Variants in ANKS1B observed in about 807,000 individuals in gnomAD.
ANKS1B encodes the protein ankyrin repeat and sterile alpha motif domain containing 1B, also known as ankyrin repeat and sterile alpha motif domain-containing protein 1B.
Under a neutral mutation model 148.3 loss-of-function variants are expected in ANKS1B, and 36 were observed. The observed-to-expected ratio is 0.24, with a 90% confidence interval of 0.19 to 0.32. The LOEUF is 0.32. Among genes scored for constraint, ANKS1B ranks in the 10% least tolerant of loss-of-function variants. ANKS1B has a pLI of 1.00. For missense variants in ANKS1B, 1,157 were observed against 1,542.6 expected, an observed-to-expected ratio of 0.75 and a Z score of 4.19; for synonymous variants, 542 against 560.8, an observed-to-expected ratio of 0.97 and a Z score of 0.47.
chr12:99,232,574 C>T (rs1444946043), intron 14 of ANKS1B, among the ~76,000 whole-genome samples: 1 of 152,190 alleles, frequency 6.6e-6, no homozygotes, highest in African/African-American at 2.4e-5. Flanking sequence ...GATCCTCCAT[C>T]CCATCAAGAA....
chr12:99,984,388 G>T lies in ANKS1B; in HGVS notation c.-151C>A. On this transcript the variant is annotated 5_prime_UTR_variant, in exon 1 of 27. Transcript: ENST00000683438. ...GAGAGCTCCCTGCAGCCCCAGGCAGGGAGCACGACTCTCTCCTCCTCTTCG... is the reference window on the plus strand; with the variant it reads ...GAGAGCTCCCTGCAGCCCCAGGCAGTGAGCACGACTCTCTCCTCCTCTTCG... The T allele has an allele frequency of 1.8e-6, 1 of 560,022 alleles. No individual in the cohort carries two copies. The highest frequency in any genetic ancestry group is 3.0e-6 in the Non-Finnish European group (1 of 329,848). 34.7% of individuals were successfully genotyped at this position (560,022 alleles called of 1,614,324 possible).
intron 10 of ANKS1B, among the ~76,000 whole-genome samples, chr12:99,459,108 T>G (rs949120672): frequency 6.6e-6 from 1 of 152,078 alleles, no homozygotes; most frequent in Non-Finnish European, 1.5e-5. Flanking sequence ...TGGTTTAACA[T>G]TCACAAATCA....
chr12:99,289,969 C>T (rs909381453), intron 12 of ANKS1B, among the ~76,000 whole-genome samples: 2 of 150,944 alleles, frequency 1.3e-5, no homozygotes, highest in African/African-American at 4.9e-5. Context: ...TAATACAAAA[C>T]GTCAATGAAA....
intron 6 of ANKS1B, among the ~76,000 whole-genome samples, chr12:99,777,663 C>T (rs2063791238): frequency 6.6e-6 from 1 of 152,108 alleles, no homozygotes; most frequent in Admixed American, 6.5e-5. Context: ...CGGCTCACTG[C>T]AACCTCTGCC....
chr12:99,673,613 T>C (rs10778003), intron 8 of ANKS1B, among the ~76,000 whole-genome samples: 23,662 of 151,926 alleles, frequency 0.16, 2,613 homozygotes, highest in East Asian at 0.46. Flanking sequence ...TTACTGGTTA[T>C]GTTTAAAAGC....
intron 20 of ANKS1B, among the ~76,000 whole-genome samples, chr12:98,805,582 A>C (rs919224142): frequency 6.6e-5 from 10 of 152,212 alleles, no homozygotes; most frequent in Non-Finnish European, 1.3e-4. Context: ...AACAACTGAA[A>C]AATACAAAAG....
chr12:98,768,933 C>T (rs1007370893), intron 25 of ANKS1B, among the ~76,000 whole-genome samples: 3 of 151,862 alleles, frequency 2.0e-5, no homozygotes, highest in African/African-American at 7.3e-5. Flanking sequence ...TGAGAAAATG[C>T]TCTGAACTTC....
chr12:98,894,508 G>C, intron 17 of ANKS1B: 9 of 933,492 alleles, frequency 9.6e-6, no homozygotes, highest in Non-Finnish European at 1.0e-5. Flanking sequence ...CGTCTCCGCA[G>C]CCTTCCCGGC....
intron 14 of ANKS1B, among the ~76,000 whole-genome samples, chr12:99,212,979 G>C (rs948174167): frequency 6.6e-6 from 1 of 152,200 alleles, no homozygotes; most frequent in East Asian, 1.9e-4. Flanking sequence ...AATGTAAAGT[G>C]AGTACCAGCG....
rs531961713 is a variant in ANKS1B, at chr12:99,287,711, A to G, written c.1757-40847T>C. ...AGATAAATTTTTAACAAAGATATTG[A>G]AATAATTTTTAAAAATCAAGCAGAA... On this transcript the variant is annotated intron_variant, in intron 12 of 26. Transcript: ENST00000683438. Among the ~76,000 whole-genome samples, 4 of 152,318 alleles carry G rather than the reference A, an allele frequency of 2.6e-5. No homozygotes were observed. The South Asian group carries it at 8.3e-4, about 32-fold the overall frequency.
chr12:99,237,404 T>A (rs1458938196), intron 14 of ANKS1B, among the ~76,000 whole-genome samples: 1 of 152,166 alleles, frequency 6.6e-6, no homozygotes, highest in Non-Finnish European at 1.5e-5. Context: ...AATGCAAATA[T>A]CTCTGTATTG....
chr12:99,220,739 G>A (rs1320658982), intron 14 of ANKS1B, among the ~76,000 whole-genome samples: 2 of 152,006 alleles, frequency 1.3e-5, no homozygotes, highest in Non-Finnish European at 2.9e-5. Flanking sequence ...GAGCCACTGC[G>A]CCCGGCCTAA....
chr12:99,021,700 G>C (rs1416188004), intron 17 of ANKS1B, among the ~76,000 whole-genome samples: 3 of 152,132 alleles, frequency 2.0e-5, no homozygotes, highest in African/African-American at 7.2e-5. Context: ...GGAGCATAAA[G>C]TTTCTTTAAA....
chr12:98,812,980 T>A (rs1346241975), intron 19 of ANKS1B, among the ~76,000 whole-genome samples: 1 of 152,224 alleles, frequency 6.6e-6, no homozygotes, highest in African/African-American at 2.4e-5. Flanking sequence ...ATTCATAATA[T>A]GAAATGGCTC....
Position 99,504,625 on chromosome 12 carries a change from T to C in ANKS1B, c.1289A>G (p.Lys430Arg). The change falls in exon 10 of 27, where the codon AAG becomes AGG. Residue 430 changes from lysine (K) to arginine (R), a missense_variant. Lys to Arg is a conservative substitution (Grantham distance 26). Around this residue, in one of 6 missense-constraint regions of ANKS1B, gnomAD observed 661 missense variants for 642.1 expected, o/e 1.03. Transcript: ENST00000683438. The stretch of plus-strand genomic sequence containing the variant: ...TACAATTTCCATAGTGTAATTTCTC[T>C]TCTTTGGATAGGACTCCTGAAAAGA... ...PMLAQESYPK[K>R]RNYTMEIVPS... 1.3e-6 allele frequency: 2 copies of C among 1,589,370 alleles called. No homozygotes were observed. Among genetic ancestry groups the C allele is most frequent in the Non-Finnish European group, 1.7e-6 (2 of 1,167,488 alleles).
At chr12:99,476,077 A>G (rs185243718) in intron 10 of ANKS1B, among the ~76,000 whole-genome samples, 48 of 152,304 alleles carry the variant, frequency 3.2e-4, no homozygotes, top group Admixed American at 3.1e-3. Flanking sequence ...AAAGAAAGAA[A>G]AAGATTGATA....
At chr12:99,479,545 T>G (rs1567182483) in intron 10 of ANKS1B, among the ~76,000 whole-genome samples, 1 of 151,934 alleles carries the variant, frequency 6.6e-6, no homozygotes, top group Non-Finnish European at 1.5e-5. Flanking sequence ...TGTTGAGCCT[T>G]AATAAAAGAA....
intron 17 of ANKS1B, among the ~76,000 whole-genome samples, chr12:98,884,657 G>A (rs971114979): frequency 6.6e-6 from 1 of 151,566 alleles, no homozygotes; most frequent in African/African-American, 2.4e-5. Flanking sequence ...AAATTAGCCG[G>A]GCGCGGTGGC....
intron 17 of ANKS1B, among the ~76,000 whole-genome samples, chr12:98,914,393 T>C (rs2099791177): frequency 6.6e-6 from 1 of 152,180 alleles, no homozygotes; most frequent in African/African-American, 2.4e-5. Flanking sequence ...CATTTCTTTA[T>C]AGCAACACAA....
Sources: gnomAD v4.1 joint callset for allele counts (sites outside exome capture counted in the v4.1 genomes callset) on GRCh38, gnomAD v4.1.1 for gene constraint, gnomAD v4.1.1 regional missense constraint, MANE v1.5 for transcripts, NCBI Gene and HGNC (gene_info 2026-07-23, HGNC 2026-07-21) for gene names.